Variants in VRK2 observed in about 807,000 individuals in gnomAD.
The protein encoded by VRK2 is serine/threonine-protein kinase VRK2.
In VRK2, 60 loss-of-function variants were observed where a neutral mutation model predicts 57.6. The observed-to-expected ratio is 1.04, with a 90% CI of 0.85 to 1.29. The LOEUF is 1.29. VRK2 is among the 50% of genes most tolerant of loss of function. VRK2 has a pLI of 0.00. For synonymous variants in VRK2, 231 were observed against 199.2 expected (o/e 1.16, Z -1.35); for missense variants, 705 against 588.1 (o/e 1.20, Z -2.06).
Position 58,014,403 on chromosome 2 carries a change from T to C in VRK2, c.-438-11262T>C, listed in dbSNP as rs557840708. Among the ~76,000 whole-genome samples the C allele has an allele frequency of 2.6e-4, 40 of 152,336 alleles. 1 individual carries two copies. The South Asian group carries it at 7.9e-3, about 30-fold the overall frequency. ...ATTCACTGATTACAATCTTTCAAGA[T>C]ATGGGGAAAAGATATTAAATAAAAA... On this transcript the variant is annotated intron_variant, in intron 1 of 15. Transcript: ENST00000417641.
At chr2:58,109,942 A>AC (rs1675314881) in intron 7 of VRK2, among the ~76,000 whole-genome samples, 1 of 152,116 alleles carries the variant, frequency 6.6e-6, no homozygotes, top group Non-Finnish European at 1.5e-5. Context: ...CATTAGCTTT[A>AC]CCCATCCATC....
intron 2 of VRK2, chr2:58,026,658 A>G (rs747205257): frequency 1.3e-5 from 2 of 152,104 alleles, no homozygotes; most frequent in Non-Finnish European, 2.9e-5. Flanking sequence ...CGAAAGGGAA[A>G]TCTTTCTTTG....
At chr2:58,042,862 T>A (rs1038101699), upstream of VRK2, among the ~76,000 whole-genome samples, 1 of 152,194 alleles carries the variant, frequency 6.6e-6, no homozygotes, top group African/African-American at 2.4e-5. Context: ...CTAGATTCTC[T>A]TTTCTTTCTT....
chr2:57,977,638 A>G (rs1422039835), intron 1 of VRK2, among the ~76,000 whole-genome samples: 1 of 151,240 alleles, frequency 6.6e-6, no homozygotes, highest in Non-Finnish European at 1.5e-5. Flanking sequence ...GACGTTTTCT[A>G]CATATAGACT....
chr2:57,989,149 C>A (rs1303613650), intron 1 of VRK2, among the ~76,000 whole-genome samples: 1 of 152,174 alleles, frequency 6.6e-6, no homozygotes, highest in Non-Finnish European at 1.5e-5. Flanking sequence ...GTCTGAGACC[C>A]CCATGAACCA....
intron 1 of VRK2, among the ~76,000 whole-genome samples, chr2:57,941,692 C>T (rs970855527): frequency 3.3e-5 from 5 of 152,110 alleles, no homozygotes; most frequent in Admixed American, 6.6e-5. Context: ...AGAGATCAAT[C>T]ATTATGTGCA....
chr2:58,109,655 C>A (rs1472894403), intron 7 of VRK2, among the ~76,000 whole-genome samples: 1 of 152,182 alleles, frequency 6.6e-6, no homozygotes, highest in Non-Finnish European at 1.5e-5. Flanking sequence ...CTCACTATCA[C>A]AAGAACAGCA....
rs752516690 is a variant in VRK2, at chr2:58,084,984, A to G, written c.256+34A>G. 5 of 1,537,286 alleles carry G rather than the reference A, an allele frequency of 3.3e-6. No homozygotes were observed. In the African/African-American group the frequency reaches 5.6e-5, roughly 17 times the overall value. Reference sequence around the variant, plus strand: ...AATTAGCAAAGCAAGCTACTTCCATATATGTGCTTGCTAAAGTGAGTGTTG... The same window carrying G: ...AATTAGCAAAGCAAGCTACTTCCATGTATGTGCTTGCTAAAGTGAGTGTTG... On this transcript the variant is annotated intron_variant, in intron 4 of 12. Transcript: ENST00000340157.
intron 1 of VRK2, chr2:58,047,359 CATCTT>C (rs1674978932): frequency 9.7e-6 from 9 of 925,712 alleles, no homozygotes; most frequent in Non-Finnish European, 1.2e-5. Context: ...GTTGAGGACT[CATCTT>C]AGCCCTGGGA....
At chr2:57,915,113 A>G (rs1320521751) in intron 1 of VRK2, among the ~76,000 whole-genome samples, 1 of 152,190 alleles carries the variant, frequency 6.6e-6, no homozygotes, top group Non-Finnish European at 1.5e-5. Flanking sequence ...GCAAAATAAA[A>G]TCATAGTTCT....
intron 1 of VRK2, among the ~76,000 whole-genome samples, chr2:57,932,307 A>G (rs1670754851): frequency 6.6e-6 from 1 of 152,180 alleles, no homozygotes; most frequent in Non-Finnish European, 1.5e-5. Flanking sequence ...GGAATTTACC[A>G]GTGAAGCCAT....
intron 1 of VRK2, among the ~76,000 whole-genome samples, chr2:57,950,370 C>T (rs955978613): frequency 6.6e-6 from 1 of 152,224 alleles, no homozygotes; most frequent in African/African-American, 2.4e-5. Context: ...ACTTACCATT[C>T]AGCAAATCGT....
Position 58,001,771 on chromosome 2 carries a change from G to A in VRK2, c.-438-23894G>A, listed in dbSNP as rs553445416. On this transcript the variant is annotated intron_variant, in intron 1 of 15. Coordinates refer to the VRK2 transcript ENST00000417641. ...TGGGAGGCAGAGGTTGCAGTGAGCC[G>A]AGATCGCGCCACTGCACTCCAGCCT... 7.2e-4 allele frequency among the ~76,000 whole-genome samples: 110 copies of A among 152,126 alleles called. 1 individual carries two copies. Among genetic ancestry groups the A allele is most frequent in the African/African-American group, 2.5e-3 (103 of 41,518 alleles).
chr2:58,082,903 A>G (rs1048708425), intron 2 of VRK2, among the ~76,000 whole-genome samples: 4 of 151,802 alleles, frequency 2.6e-5, no homozygotes, highest in Non-Finnish European at 4.4e-5. Context: ...GATTGGCTCA[A>G]CTGTAATGTA....
chr2:58,119,898 G>A (rs1343849269), intron 7 of VRK2, among the ~76,000 whole-genome samples: 7 of 151,814 alleles, frequency 4.6e-5, no homozygotes, highest in Non-Finnish European at 8.8e-5. Context: ...TGTTCATTTT[G>A]CTAAAGGAGT....
chr2:58,107,900 C>G lies in VRK2; in HGVS notation c.544-15201C>G, dbSNP rs536299562. ...TCGTATCAAGCATTGAGAAATGCTT[C>G]CATTTGAGCCAGTCTGGCTGCTTGC... is the stretch of plus-strand genomic sequence containing the variant. On this transcript the variant is annotated intron_variant, in intron 7 of 12. Transcript: ENST00000340157. 1.2e-3 allele frequency among the ~76,000 whole-genome samples: 175 copies of G among 152,130 alleles called. 2 individuals are homozygous for G. Among genetic ancestry groups the G allele is most frequent in the African/African-American group, 3.9e-3 (161 of 41,520 alleles).
intron 1 of VRK2, among the ~76,000 whole-genome samples, chr2:57,956,907 G>A (rs1228433134): frequency 6.6e-6 from 1 of 152,124 alleles, no homozygotes; most frequent in Non-Finnish European, 1.5e-5. Flanking sequence ...AATGTAGTTT[G>A]GGATCTCATT....
intron 1 of VRK2, among the ~76,000 whole-genome samples, chr2:58,017,444 T>C (rs1269759900): frequency 6.6e-6 from 1 of 152,216 alleles, no homozygotes; most frequent in African/African-American, 2.4e-5. Flanking sequence ...AATCAGAGAC[T>C]AGTTATTATG....
At chr2:58,087,237 G>C (rs920920242) in intron 5 of VRK2, among the ~76,000 whole-genome samples, 1 of 152,098 alleles carries the variant, frequency 6.6e-6, no homozygotes. Flanking sequence ...GAGAGAATAA[G>C]CTCAGATGTC....
Sources: gnomAD v4.1 joint callset for allele counts (sites outside exome capture counted in the v4.1 genomes callset) on GRCh38, gnomAD v4.1.1 for gene constraint, MANE v1.5 for transcripts, NCBI Gene and HGNC (gene_info 2026-07-23, HGNC 2026-07-21) for gene names.